The following SEMA5B variants were observed in gnomAD, a reference collection of about 807,000 sequenced individuals.
SEMA5B encodes the protein semaphorin 5B, also known as semaphorin-5B.
A neutral mutation model predicts 135.0 loss-of-function variants in SEMA5B; 66 were observed. The ratio of observed to expected loss-of-function variants is 0.49; its 90% confidence interval spans 0.40 to 0.60. The LOEUF (loss-of-function observed/expected upper bound fraction) is 0.60. SEMA5B is among the 20% of genes least tolerant of loss of function. The pLI, the probability that SEMA5B is intolerant of heterozygous loss-of-function variation, is 0.00. For missense variants in SEMA5B, 1,501 were observed against 1,566.3 expected (o/e 0.96, Z 0.70); for synonymous variants, 690 against 639.5 (o/e 1.08, Z -1.19).
intron 1 of SEMA5B, among the ~76,000 whole-genome samples, chr3:122,984,173 C>A (rs1941624401): frequency 6.6e-6 from 1 of 152,236 alleles, no homozygotes; most frequent in Non-Finnish European, 1.5e-5. Flanking sequence ...CCCGCCGTGG[C>A]CCTGTAGGCT....
At chr3:122,959,954 C>G (rs750820668) in intron 2 of SEMA5B, among the ~76,000 whole-genome samples, 3 of 152,166 alleles carry the variant, frequency 2.0e-5, no homozygotes, top group Admixed American at 6.5e-5. Context: ...AAATTAAATG[C>G]TAAGGATGTC....
intron 17 of SEMA5B, 64 bp downstream of exon 17, chr3:122,913,135 C>G: frequency 1.4e-6 from 2 of 1,423,762 alleles, no homozygotes; most frequent in Non-Finnish European, 1.8e-6. Context: ...CCGGGGCTCC[C>G]GCCCCCGCCC....
chr3:122,946,415 A>G (rs1939794910), intron 3 of SEMA5B, among the ~76,000 whole-genome samples: 2 of 152,156 alleles, frequency 1.3e-5, no homozygotes, highest in Admixed American at 1.3e-4. Flanking sequence ...ACTCACAGTT[A>G]CAAGGCTGGC....
chr3:122,953,533 T>C (rs548851679), intron 2 of SEMA5B, among the ~76,000 whole-genome samples: 1 of 152,242 alleles, frequency 6.6e-6, no homozygotes, highest in South Asian at 2.1e-4. Context: ...AGCACGTCTG[T>C]CTGCTGTTTC....
At chr3:123,009,355 A>G (rs1420503484) in intron 1 of SEMA5B, among the ~76,000 whole-genome samples, 2 of 152,120 alleles carry the variant, frequency 1.3e-5, no homozygotes, top group Non-Finnish European at 2.9e-5. Context: ...GGTCTGTGTT[A>G]GGTTTTAATT....
intron 4 of SEMA5B, among the ~76,000 whole-genome samples, chr3:122,942,882 C>T (rs1399930669): frequency 6.6e-6 from 1 of 152,202 alleles, no homozygotes; most frequent in Non-Finnish European, 1.5e-5. Flanking sequence ...TCTGTGGTTT[C>T]ATGAGGAATG....
upstream of SEMA5B, chr3:123,028,385 ACCGAG>A (rs1942858895): frequency 6.6e-6 from 1 of 152,292 alleles, no homozygotes; most frequent in South Asian, 2.1e-4. Context: ...ACTGTACGAT[ACCGAG>A]CGAACCTCTC....
Position 122,922,286 on chromosome 3 carries a change from C to T in SEMA5B, c.1434G>A (p.Leu478=). ...GGTAGAGCGTGTCTTTAGCCTGCACCAGGTCCACCACGAGGTGTGAGAAGC... is the reference window on the plus strand; with the variant it reads ...GGTAGAGCGTGTCTTTAGCCTGCACTAGGTCCACCACGAGGTGTGAGAAGC... ...SVRFSHLVVD[L]VQAKDTLYHV... The change falls in exon 11 of 23, where the codon CTG becomes CTA. Residue 478 remains leucine, a synonymous_variant. Transcript: ENST00000357599. 1 of 1,614,054 alleles carries T rather than the reference C, an allele frequency of 6.2e-7. No homozygotes were observed.
At chr3:122,964,544 T>C (rs543299127) in intron 1 of SEMA5B, among the ~76,000 whole-genome samples, 1 of 152,372 alleles carries the variant, frequency 6.6e-6, no homozygotes, top group Non-Finnish European at 1.5e-5. Context: ...AATCCCTATG[T>C]GCACCAAACA....
At chr3:122,912,686 C>A (rs939859230) in intron 18 of SEMA5B, among the ~76,000 whole-genome samples, 157 bp downstream of exon 18, 1 of 151,856 alleles carries the variant, frequency 6.6e-6, no homozygotes, top group Non-Finnish European at 1.5e-5. Context: ...CATCTACGGC[C>A]GGGGCAGAAA....
chr3:123,019,945 T>A lies in SEMA5B; in HGVS notation c.-39+7519A>T, dbSNP rs540705569. 2.9e-4 allele frequency among the ~76,000 whole-genome samples: 44 copies of A among 152,328 alleles called. No homozygotes were observed. The South Asian group carries it at 7.5e-3, about 26-fold the overall frequency. On this transcript the variant is annotated intron_variant, in intron 1 of 22. Coordinates refer to ENST00000357599, the MANE Select transcript of SEMA5B (RefSeq NM_001031702.4). ...CCTCAAATCAGGGACAGGGAAGCAG[T>A]CAGCGCGAAGCCTCAGAGGAGAGCA...
intron 1 of SEMA5B, among the ~76,000 whole-genome samples, chr3:123,012,321 G>C (rs569321250): frequency 6.6e-6 from 1 of 152,234 alleles, no homozygotes; most frequent in African/African-American, 2.4e-5. Flanking sequence ...GGCTTCTTAT[G>C]CCTTCTCCCC....
At chr3:122,950,588 C>T (rs1035015461) in intron 2 of SEMA5B, among the ~76,000 whole-genome samples, 1 of 152,074 alleles carries the variant, frequency 6.6e-6, no homozygotes, top group Admixed American at 6.5e-5. Flanking sequence ...AATCTAATAA[C>T]AAAATATTCA....
chr3:122,991,884 G>T (rs578245419), intron 1 of SEMA5B, among the ~76,000 whole-genome samples: 13 of 152,300 alleles, frequency 8.5e-5, no homozygotes, highest in Admixed American at 3.3e-4. Flanking sequence ...TCACAAAGGA[G>T]AGAAAACATG....
intron 1 of SEMA5B, among the ~76,000 whole-genome samples, chr3:122,980,261 G>A (rs565826501): frequency 3.3e-5 from 5 of 152,224 alleles, no homozygotes; most frequent in Admixed American, 6.5e-5. Context: ...GGGAGTTCGC[G>A]ACCAGCCTGA....
At chr3:123,016,910 T>TTTTG (rs1942572540) in intron 1 of SEMA5B, among the ~76,000 whole-genome samples, 1 of 132,460 alleles carries the variant, frequency 7.5e-6, no homozygotes, top group Non-Finnish European at 1.5e-5. Context: ...TTTTTTTTTT[T>TTTTG]TGAGACGCAG....
chr3:123,022,922 A>G (rs920394309), intron 1 of SEMA5B, among the ~76,000 whole-genome samples: 2 of 152,228 alleles, frequency 1.3e-5, no homozygotes, highest in African/African-American at 4.8e-5. Flanking sequence ...CTGGTTATAA[A>G]GGAAATTTCT....
In SEMA5B at chr3:122,915,775, G is replaced by A; in HGVS notation, c.1804C>T (p.Pro602Ser). The change falls in exon 13 of 23, where the codon CCT (proline) becomes TCT (serine). Residue 602 changes from proline to serine, a missense_variant and splice_region_variant. Coordinates refer to ENST00000357599, the MANE Select transcript of SEMA5B (RefSeq NM_001031702.4). ...SLWTQNITACPVRNVTRDGGF... is the reference protein window; with the variant it reads ...SLWTQNITACSVRNVTRDGGF... ...GGAGGACACAAGGGGATTCTCACAG[G>A]ACAGGCGGTGATGTTCTGGGTCCAG... 1 of 1,613,738 alleles carries A rather than the reference G, an allele frequency of 6.2e-7. No homozygotes were observed. The highest frequency in any genetic ancestry group is 8.5e-7 in the Non-Finnish European group (1 of 1,179,628).
chr3:122,956,909 A>G (rs372007625), intron 2 of SEMA5B, among the ~76,000 whole-genome samples: 2 of 152,296 alleles, frequency 1.3e-5, no homozygotes. Flanking sequence ...GGCCTCACGT[A>G]GAAGGCGGAA....
Sources: allele counts gnomAD v4.1 joint callset (sites outside exome capture counted in the v4.1 genomes callset), GRCh38; gene constraint gnomAD v4.1.1; transcripts MANE v1.5; gene names NCBI Gene and HGNC (gene_info 2026-07-23, HGNC 2026-07-21).